The following GRM5 variants were observed in gnomAD, a reference collection of about 807,000 sequenced individuals.
The protein encoded by GRM5 is metabotropic glutamate receptor 5.
In GRM5, 19 loss-of-function variants were observed where a neutral mutation model predicts 83.1. That is an observed-to-expected ratio of 0.23 (90% CI 0.16 to 0.34). The LOEUF (loss-of-function observed/expected upper bound fraction) is 0.34, where lower values mean the gene tolerates loss of function less well. Ranked by LOEUF, GRM5 falls within the 10% of genes least tolerant of loss-of-function variation. The probability of loss-of-function intolerance (pLI) is 1.00; values close to 1 mark genes in which losing one functional copy is unlikely to be tolerated. For missense variants in GRM5, 1,160 were observed against 1,588.3 expected (o/e 0.73, Z 4.58); for synonymous variants, 675 against 633.6 (o/e 1.07, Z -0.98).
At chr11:88,986,384 G>A (rs902457469) in intron 2 of GRM5, among the ~76,000 whole-genome samples, 1 of 152,134 alleles carries the variant, frequency 6.6e-6, no homozygotes, top group African/African-American at 2.4e-5. Context: ...AGGATAACAT[G>A]AGGTTTCCTA....
chr11:88,549,096 G>A (rs1565334260), intron 8 of GRM5, among the ~76,000 whole-genome samples: 1 of 152,138 alleles, frequency 6.6e-6, no homozygotes, highest in Non-Finnish European at 1.5e-5. Flanking sequence ...GAATTGGAGA[G>A]TAAGAAGGCA....
intron 2 of GRM5, among the ~76,000 whole-genome samples, chr11:88,959,153 C>G (rs989838266): frequency 6.6e-6 from 1 of 152,026 alleles, no homozygotes; most frequent in Non-Finnish European, 1.5e-5. Flanking sequence ...CTCCAGGTGT[C>G]TTTGGATCAC....
intron 4 of GRM5, among the ~76,000 whole-genome samples, chr11:88,612,128 C>T (rs1289158770): frequency 7.1e-6 from 1 of 141,118 alleles, no homozygotes; most frequent in African/African-American, 2.7e-5. Context: ...TCCCCCCATC[C>T]CACCACAGTC....
chr11:88,678,505 C>T (rs1024164782), intron 3 of GRM5, among the ~76,000 whole-genome samples: 2 of 152,122 alleles, frequency 1.3e-5, no homozygotes, highest in African/African-American at 4.8e-5. Context: ...GCAATTAGCT[C>T]ATACTTTCTC....
rs61456975 is a variant in GRM5 at position 88,885,450 on chromosome 11, GT to G, written c.662-35296del. Among the ~76,000 whole-genome samples the G allele has an allele frequency of 2.6e-4, 16 of 62,660 alleles. 1 individual carries two copies. Among genetic ancestry groups the G allele is most frequent in the African/African-American group, 7.1e-4 (12 of 16,890 alleles). The allele number at this position is 62,660 out of a possible 152,430, so 41.1% of individuals were successfully genotyped here. On this transcript the variant is annotated intron_variant, in intron 2 of 9. Coordinates refer to ENST00000305447, the MANE Select transcript of GRM5 (RefSeq NM_001143831.3). Reference sequence around the variant, plus strand: ...TTCTGAATTCTATAGTAGGTACCATGTTTTTTTTTTTTTTTTTTTTTTTTTT... The same window carrying G: ...TTCTGAATTCTATAGTAGGTACCATGTTTTTTTTTTTTTTTTTTTTTTTTT...
chr11:88,630,487 T>A (rs1483844005), intron 4 of GRM5, among the ~76,000 whole-genome samples: 1 of 151,768 alleles, frequency 6.6e-6, no homozygotes, highest in African/African-American at 2.4e-5. Flanking sequence ...TGTATTCCAC[T>A]CCAGGGTTGC....
chr11:88,693,762 A>G (rs1940838342), intron 3 of GRM5, among the ~76,000 whole-genome samples: 1 of 152,228 alleles, frequency 6.6e-6, no homozygotes, highest in Non-Finnish European at 1.5e-5. Flanking sequence ...AACTTACAAA[A>G]TAAGTCACTC....
chr11:88,792,461 T>C (rs1207776079), intron 3 of GRM5, among the ~76,000 whole-genome samples: 1 of 152,108 alleles, frequency 6.6e-6, no homozygotes, highest in Non-Finnish European at 1.5e-5. Context: ...TTTTATGGGT[T>C]TCCATTAACA....
At chr11:88,796,220 G>T (rs1284102810) in intron 3 of GRM5, among the ~76,000 whole-genome samples, 1 of 152,104 alleles carries the variant, frequency 6.6e-6, no homozygotes, top group African/African-American at 2.4e-5. Context: ...GCAAAGCAAG[G>T]TCAGTATTTG....
chr11:88,963,319 G>T (rs952594865), intron 2 of GRM5, among the ~76,000 whole-genome samples: 1 of 152,104 alleles, frequency 6.6e-6, no homozygotes, highest in South Asian at 2.1e-4. Context: ...ATAAAATTAC[G>T]AATTAAAAGC....
chr11:88,677,805 CATTT>C (rs1414645396), intron 3 of GRM5, among the ~76,000 whole-genome samples: 1 of 152,058 alleles, frequency 6.6e-6, no homozygotes, highest in Non-Finnish European at 1.5e-5. Flanking sequence ...CTACATTAAA[CATTT>C]AATTATAAGA....
intron 3 of GRM5, among the ~76,000 whole-genome samples, chr11:88,790,672 G>A (rs1260922413): frequency 7.9e-5 from 12 of 152,264 alleles, no homozygotes. Flanking sequence ...AAGAGAAAAA[G>A]CATGAAGTAC....
chr11:88,636,658 C>A (rs1939131282), intron 4 of GRM5, among the ~76,000 whole-genome samples: 1 of 152,054 alleles, frequency 6.6e-6, no homozygotes, highest in Non-Finnish European at 1.5e-5. Context: ...TTAAGCCAAC[C>A]TTACATTTCA....
At chr11:89,016,399 T>A (rs536218647) in intron 2 of GRM5, among the ~76,000 whole-genome samples, 40 of 151,938 alleles carry the variant, frequency 2.6e-4, no homozygotes, top group African/African-American at 9.6e-4. Flanking sequence ...AAGTAATTTT[T>A]ATGCTGACAT....
intron 4 of GRM5, among the ~76,000 whole-genome samples, chr11:88,621,645 T>G (rs985206663): frequency 6.6e-6 from 1 of 152,142 alleles, no homozygotes; most frequent in Non-Finnish European, 1.5e-5. Flanking sequence ...TCTTTGAAAA[T>G]TTGAGAATTA....
chr11:88,514,886 T>G lies in GRM5; in HGVS notation c.2727-5382A>C, dbSNP rs567615050. On this transcript the variant is annotated intron_variant, in intron 9 of 9. Coordinates refer to ENST00000305447, the MANE Select transcript of GRM5 (RefSeq NM_001143831.3). ...AAGGAAACTAATTCTACATGTCTAA[T>G]CCCAACTCCTCCAACAGCCCTAAGT... 3.9e-5 allele frequency among the ~76,000 whole-genome samples: 6 copies of G among 152,046 alleles called. No homozygotes were observed. The South Asian group carries it at 1.2e-3, about 32-fold the overall frequency.
At chr11:88,687,547 C>T (rs866067303) in intron 3 of GRM5, among the ~76,000 whole-genome samples, 215 of 12,338 alleles carry the variant, frequency 0.017, 11 homozygotes, top group Admixed American at 0.071. Context: ...TACACACACA[C>T]ACACACATAT....
chr11:88,770,635 A>G (rs1942715125), intron 3 of GRM5, among the ~76,000 whole-genome samples: 2 of 152,262 alleles, frequency 1.3e-5, no homozygotes, highest in South Asian at 2.1e-4. Context: ...TATTTGATTT[A>G]TTACTATGTG....
chr11:88,794,394 C>A (rs1342805356), intron 3 of GRM5, among the ~76,000 whole-genome samples: 1 of 152,168 alleles, frequency 6.6e-6, no homozygotes, highest in Non-Finnish European at 1.5e-5. Flanking sequence ...TTTACCATGG[C>A]TTAAAATTCC....
Sources: gnomAD v4.1 joint callset for allele counts (sites outside exome capture counted in the v4.1 genomes callset) on GRCh38, gnomAD v4.1.1 for gene constraint, MANE v1.5 for transcripts, NCBI Gene and HGNC (gene_info 2026-07-23, HGNC 2026-07-21) for gene names.